KSR2: variants seen among roughly 807,000 people sequenced by gnomAD.
KSR2 encodes kinase suppressor of ras 2.
Under a neutral mutation model 107.8 loss-of-function variants are expected in KSR2, and 25 were observed. The observed-to-expected ratio is 0.23, with a 90% CI of 0.17 to 0.32. The LOEUF (loss-of-function observed/expected upper bound fraction) is 0.32. Among genes scored for constraint, KSR2 ranks in the 10% least tolerant of loss-of-function variants. The pLI is 1.00. For missense variants in KSR2, 887 were observed against 1,268.9 expected, an observed-to-expected ratio of 0.70 and a Z score of 4.57; for synonymous variants, 480 against 507.0, an observed-to-expected ratio of 0.95 and a Z score of 0.71.
At chr12:117,771,232 G>A (rs1208039576) in intron 3 of KSR2, among the ~76,000 whole-genome samples, 3 of 152,180 alleles carry the variant, frequency 2.0e-5, no homozygotes. Context: ...TCTGTTCACT[G>A]AGATAAATGC....
intron 5 of KSR2, among the ~76,000 whole-genome samples, chr12:117,640,778 A>C (rs1278018965): frequency 6.6e-6 from 1 of 152,130 alleles, no homozygotes; most frequent in Non-Finnish European, 1.5e-5. Flanking sequence ...TTTGGGAAAG[A>C]GTATGTAACT....
chr12:117,514,543 TC>T lies in KSR2; in HGVS notation c.2219+10308del, dbSNP rs1327786648. 1.0e-3 allele frequency among the ~76,000 whole-genome samples: 142 copies of T among 137,988 alleles called. 2 individuals carry two copies. The South Asian group carries it at 0.018, about 17-fold the overall frequency. 90.5% of individuals were successfully genotyped at this position (137,988 alleles called of 152,430 possible). On this transcript the variant is annotated intron_variant, in intron 14 of 19. Transcript: ENST00000339824. ...TCTTTGGTTTCTCTCTCTCTCTCTC[TC>T]TTTTTTTTTTTTTTTTTTGAGACAG...
intron 14 of KSR2, among the ~76,000 whole-genome samples, chr12:117,523,148 T>C (rs1874872337): frequency 6.6e-6 from 1 of 152,206 alleles, no homozygotes; most frequent in African/African-American, 2.4e-5. Flanking sequence ...ATCTGCATCA[T>C]CTATGGATAC....
chr12:117,682,480 C>A (rs113734349), intron 4 of KSR2, among the ~76,000 whole-genome samples: 9 of 152,048 alleles, frequency 5.9e-5, no homozygotes, highest in South Asian at 2.1e-4. Context: ...TGCAACGGCG[C>A]AATCTCGGCT....
chr12:117,877,542 C>T (rs545683274), intron 1 of KSR2, among the ~76,000 whole-genome samples: 30 of 152,162 alleles, frequency 2.0e-4, no homozygotes, highest in Admixed American at 5.2e-4. Flanking sequence ...ATAGCTAAGT[C>T]TTATTGAGCA....
chr12:117,896,252 C>A (rs1894506010), intron 1 of KSR2, among the ~76,000 whole-genome samples: 1 of 152,252 alleles, frequency 6.6e-6, no homozygotes, highest in Admixed American at 6.5e-5. Flanking sequence ...AAACACTATG[C>A]TGAGTGAAAG....
chr12:117,523,002 G>C (rs559329861), intron 14 of KSR2, among the ~76,000 whole-genome samples: 8 of 152,300 alleles, frequency 5.3e-5, no homozygotes, highest in African/African-American at 1.7e-4. Flanking sequence ...TTGCTTCAGA[G>C]CCACTTCTGT....
intron 9 of KSR2, among the ~76,000 whole-genome samples, chr12:117,548,565 G>A (rs553040480): frequency 4.6e-5 from 7 of 152,158 alleles, no homozygotes; most frequent in African/African-American, 1.2e-4. Flanking sequence ...GATCAACAGT[G>A]GGCTATTAGT....
intron 3 of KSR2, among the ~76,000 whole-genome samples, chr12:117,854,462 C>T (rs140370997): frequency 6.2e-4 from 95 of 152,310 alleles, no homozygotes; most frequent in African/African-American, 2.1e-3. Flanking sequence ...CACCCCATAG[C>T]CACTCAGATT....
intron 5 of KSR2, among the ~76,000 whole-genome samples, chr12:117,625,380 A>G (rs572150219): frequency 0.017 from 2,622 of 152,272 alleles, 73 homozygotes; most frequent in African/African-American, 0.059. Flanking sequence ...ACGTCCCATC[A>G]TTACCTAGTT....
chr12:117,792,063 G>C (rs960307954), intron 3 of KSR2, among the ~76,000 whole-genome samples: 1 of 152,114 alleles, frequency 6.6e-6, no homozygotes, highest in Non-Finnish European at 1.5e-5. Context: ...TTGGCCAAGC[G>C]CAGTGGCTCA....
intron 1 of KSR2, among the ~76,000 whole-genome samples, chr12:117,874,938 C>T (rs185489104): frequency 4.6e-5 from 7 of 151,668 alleles, no homozygotes; most frequent in African/African-American, 1.2e-4. Flanking sequence ...AATGAGGTCC[C>T]CTGGGCCTGG....
chr12:117,584,254 G>A (rs2136248118), intron 5 of KSR2, among the ~76,000 whole-genome samples: 1 of 152,196 alleles, frequency 6.6e-6, no homozygotes, highest in Non-Finnish European at 1.5e-5. Context: ...ATTTCTGAGG[G>A]AAATAGAAAA....
At chr12:117,479,375 G>A (rs1449064786) in intron 16 of KSR2, among the ~76,000 whole-genome samples, 1 of 152,182 alleles carries the variant, frequency 6.6e-6, no homozygotes. Flanking sequence ...AAGCAATGTG[G>A]CCAGGCAGAC....
intron 1 of KSR2, among the ~76,000 whole-genome samples, chr12:117,866,620 G>A (rs1400273205): frequency 6.6e-6 from 1 of 151,866 alleles, no homozygotes; most frequent in Non-Finnish European, 1.5e-5. Context: ...ACCTGAGGTC[G>A]GGAGTTTGAG....
At chr12:117,682,350 A>G (rs1212906092) in intron 4 of KSR2, among the ~76,000 whole-genome samples, 1 of 152,166 alleles carries the variant, frequency 6.6e-6, no homozygotes, top group Non-Finnish European at 1.5e-5. Flanking sequence ...TGATAGGTGC[A>G]GCAAACCACC....
intron 1 of KSR2, among the ~76,000 whole-genome samples, chr12:117,925,308 G>C (rs1012375199): frequency 6.6e-6 from 1 of 151,740 alleles, no homozygotes; most frequent in Non-Finnish European, 1.5e-5. Context: ...ATTTTTAGTG[G>C]AGATGGGGTT....
intron 9 of KSR2, among the ~76,000 whole-genome samples, chr12:117,553,067 C>CT (rs1877419124): frequency 6.6e-6 from 1 of 152,186 alleles, no homozygotes; most frequent in Non-Finnish European, 1.5e-5. Flanking sequence ...CTGGAACAGC[C>CT]CCATTTTACC....
At chr12:117,488,279 C>T (rs1322186937) in intron 14 of KSR2, among the ~76,000 whole-genome samples, 1 of 152,178 alleles carries the variant, frequency 6.6e-6, no homozygotes, top group East Asian at 1.9e-4. Context: ...TAATACAAAT[C>T]CACAACCAGC....
Sources: allele counts gnomAD v4.1 joint callset (sites outside exome capture counted in the v4.1 genomes callset), GRCh38; gene constraint gnomAD v4.1.1; transcripts MANE v1.5; gene names NCBI Gene and HGNC (gene_info 2026-07-23, HGNC 2026-07-21).